Variants in EDN1 observed in about 807,000 individuals in gnomAD.
EDN1 encodes endothelin-1.
Under a neutral mutation model 21.7 loss-of-function variants are expected in EDN1, and 11 were observed. The ratio of observed to expected loss-of-function variants is 0.51; its 90% CI spans 0.32 to 0.84. The LOEUF (loss-of-function observed/expected upper bound fraction) is 0.84. Ranked by LOEUF, EDN1 falls within the 40% of genes least tolerant of loss-of-function variation. The pLI, the probability that EDN1 is intolerant of heterozygous loss-of-function variation, is 0.03. For missense variants in EDN1, 244 were observed against 262.3 expected, an observed-to-expected ratio of 0.93 and a Z score of 0.48; for synonymous variants, 85 against 90.6, an observed-to-expected ratio of 0.94 and a Z score of 0.35.
chr6:12,285,122 A>G, the EDN1 span, among the ~76,000 whole-genome samples: 3 of 152,334 alleles, frequency 2.0e-5, no homozygotes, highest in Non-Finnish European at 4.4e-5. Context: ...TAATATAATT[A>G]TTAATCATGA....
chr6:12,280,820 G>A, the EDN1 span, among the ~76,000 whole-genome samples: 2 of 152,160 alleles, frequency 1.3e-5, no homozygotes, highest in African/African-American at 4.8e-5. Context: ...TTGAATCTGG[G>A]AGGCAGAGGT....
the EDN1 span, among the ~76,000 whole-genome samples, chr6:12,231,653 A>C: frequency 1.3e-5 from 2 of 152,218 alleles, no homozygotes; most frequent in South Asian, 4.1e-4. Context: ...TAAAGCTATA[A>C]ATTTATTTTA....
chr6:12,296,322 AACAC>A lies in EDN1; in HGVS notation c.*259_*262del. 2.2e-6 allele frequency: 1 copy of A among 454,100 alleles called. No homozygotes were observed. The allele number at this position is 454,100 out of a possible 1,614,324, so 28.1% of individuals were successfully genotyped here. On this transcript the variant is annotated 3_prime_UTR_variant, in exon 5 of 5. Transcript: ENST00000379375. The stretch of plus-strand genomic sequence containing the variant: ...GGATGACAATGGACCTCTCAGCAGA[AACAC>A]ACAGTCACATTCGAATTCGGGTGGC...
At chr6:12,264,222 G>T in the EDN1 span, among the ~76,000 whole-genome samples, 1 of 152,100 alleles carries the variant, frequency 6.6e-6, no homozygotes, top group African/African-American at 2.4e-5. Context: ...ACAGATGGTA[G>T]CAAGGGTTGT....
chr6:12,275,430 A>G, the EDN1 span, among the ~76,000 whole-genome samples: 3 of 152,222 alleles, frequency 2.0e-5, no homozygotes, highest in Non-Finnish European at 4.4e-5. Flanking sequence ...TCATTAAAAT[A>G]GACACCTTTT....
the EDN1 span, among the ~76,000 whole-genome samples, chr6:12,243,296 G>A: frequency 6.9e-6 from 1 of 145,960 alleles, no homozygotes; most frequent in African/African-American, 2.6e-5. Flanking sequence ...AAGAGGAGGA[G>A]GAGGAGGAGA....
the EDN1 span, among the ~76,000 whole-genome samples, chr6:12,253,880 C>T: frequency 1.3e-5 from 2 of 152,126 alleles, no homozygotes. Flanking sequence ...CCGCCCGTGA[C>T]GTTTTGTTTT....
rs752856201 is a variant in EDN1, at chr6:12,290,456, C to A, written c.-174C>A. The A allele has an allele frequency of 1.6e-6, 1 of 633,194 alleles. No homozygotes were observed. The highest frequency in any genetic ancestry group is 2.8e-6 in the Non-Finnish European group (1 of 356,874). 39.2% of individuals were successfully genotyped at this position (633,194 alleles called of 1,614,324 possible). A position where few individuals can be genotyped will look rare whatever the true frequency, so the allele number is the denominator to read the frequency against. On this transcript the variant is annotated 5_prime_UTR_variant, in exon 1 of 5. In the 5' UTR this introduces an upstream ATG that the reference lacks. Coordinates refer to ENST00000379375, the MANE Select transcript of EDN1 (RefSeq NM_001955.5). Reference sequence around the variant, plus strand: ...CGTGCGCCTGCAGACGCTCCGCTCGCTGCCTTCTCTCCTGGCAGGCGCTGC... The same window carrying A: ...CGTGCGCCTGCAGACGCTCCGCTCGATGCCTTCTCTCCTGGCAGGCGCTGC...
At chr6:12,291,442 C>T (rs1246524044) in intron 1 of EDN1, among the ~76,000 whole-genome samples, 1 of 152,178 alleles carries the variant, frequency 6.6e-6, no homozygotes, top group Non-Finnish European at 1.5e-5. Context: ...CCGGGTCCCC[C>T]CCGTTTTTAG....
the EDN1 span, among the ~76,000 whole-genome samples, chr6:12,231,413 T>C: frequency 6.6e-6 from 1 of 152,250 alleles, no homozygotes; most frequent in African/African-American, 2.4e-5. Flanking sequence ...AGGAAACTCA[T>C]ATGGAGTGAA....
At chr6:12,274,999 T>TCCCC in the EDN1 span, among the ~76,000 whole-genome samples, 2 of 76,820 alleles carry the variant, frequency 2.6e-5, no homozygotes, top group Non-Finnish European at 5.2e-5. Context: ...CCTCCCTCCC[T>TCCCC]CCCTCCCTTC....
chr6:12,246,896 C>T, the EDN1 span, among the ~76,000 whole-genome samples: 1 of 152,040 alleles, frequency 6.6e-6, no homozygotes, highest in Non-Finnish European at 1.5e-5. Context: ...TTTTTGAGAC[C>T]CTTGTAAGAA....
At chr6:12,261,197 T>A in the EDN1 span, among the ~76,000 whole-genome samples, 1 of 152,170 alleles carries the variant, frequency 6.6e-6, no homozygotes, top group Non-Finnish European at 1.5e-5. Context: ...GTAGAGCACT[T>A]TTGAAATCTG....
the EDN1 span, among the ~76,000 whole-genome samples, chr6:12,232,268 C>T: frequency 6.7e-6 from 1 of 148,356 alleles, no homozygotes; most frequent in Non-Finnish European, 1.5e-5. Context: ...ATAATATACA[C>T]TTTATATGGT....
the EDN1 span, among the ~76,000 whole-genome samples, chr6:12,261,235 G>A: frequency 6.6e-6 from 1 of 152,186 alleles, no homozygotes; most frequent in African/African-American, 2.4e-5. Flanking sequence ...GAAGAGAAAA[G>A]TAGCTATCTT....
chr6:12,264,121 C>T, the EDN1 span, among the ~76,000 whole-genome samples: 70 of 152,162 alleles, frequency 4.6e-4, no homozygotes, highest in African/African-American at 1.4e-3. Context: ...CATAATAGTA[C>T]GAATATTCTC....
the EDN1 span, among the ~76,000 whole-genome samples, chr6:12,251,933 A>C: frequency 3.3e-5 from 5 of 152,308 alleles, no homozygotes; most frequent in South Asian, 1.0e-3. Context: ...AGAGAGATGG[A>C]TCTGAGCTTG....
chr6:12,244,312 G>A, the EDN1 span, among the ~76,000 whole-genome samples: 1 of 152,252 alleles, frequency 6.6e-6, no homozygotes, highest in African/African-American at 2.4e-5. Context: ...TTCATTGAGT[G>A]AATATTTGAC....
At chr6:12,244,078 C>A in the EDN1 span, among the ~76,000 whole-genome samples, 1 of 151,946 alleles carries the variant, frequency 6.6e-6, no homozygotes, top group Non-Finnish European at 1.5e-5. Context: ...TCCCAGGAAG[C>A]TTTCATTTGT....
Sources: gnomAD v4.1 joint callset for allele counts (sites outside exome capture counted in the v4.1 genomes callset) on GRCh38, gnomAD v4.1.1 for gene constraint, MANE v1.5 for transcripts, NCBI Gene and HGNC (gene_info 2026-07-23, HGNC 2026-07-21) for gene names.